Variants in COL4A2 observed in about 807,000 individuals in gnomAD.
COL4A2 encodes the protein collagen type IV alpha 2 chain.
COL4A2 carries 99 observed loss-of-function variants against 200.2 expected under a neutral mutation model. The ratio of observed to expected loss-of-function variants is 0.49; its 90% CI spans 0.42 to 0.58. The LOEUF (loss-of-function observed/expected upper bound fraction) is 0.58, where lower values mean the gene tolerates loss of function less well. Among genes scored for constraint, COL4A2 ranks in the 20% least tolerant of loss-of-function variants. The probability of loss-of-function intolerance (pLI) is 0.00; values close to 1 mark genes in which losing one functional copy is unlikely to be tolerated. For missense variants in COL4A2, 1,950 were observed against 2,314.1 expected (o/e 0.84, Z 3.23); for synonymous variants, 897 against 900.6 (o/e 1.00, Z 0.07).
In COL4A2 at chr13:110,473,745, TG is replaced by T. The variant is rs1882571738; in HGVS notation, c.2425+596del. On this transcript the variant is annotated intron_variant, in intron 29 of 47. Transcript: ENST00000360467. ...CCGAGCCCCGAGCTTTAATGAAAGA[TG>T]ATGCCATGGACAGCAAATGTTCACA... Among the ~76,000 whole-genome samples, 4 of 152,216 alleles carry T rather than the reference TG, an allele frequency of 2.6e-5. No individual in the cohort carries two copies. In the South Asian group the frequency reaches 8.3e-4, roughly 32 times the overall value.
intron 40 of COL4A2, among the ~76,000 whole-genome samples, chr13:110,500,147 A>G (rs1423201601): frequency 6.6e-6 from 1 of 152,226 alleles, no homozygotes; most frequent in Non-Finnish European, 1.5e-5. Flanking sequence ...GGATCTTCCA[A>G]AGGGAAAATC....
chr13:110,364,964 TG>T (rs1354695458), intron 4 of COL4A2, among the ~76,000 whole-genome samples: 2 of 152,236 alleles, frequency 1.3e-5, no homozygotes, highest in Non-Finnish European at 2.9e-5. Context: ...AGAAGATGAC[TG>T]CTCTGTTTAC....
chr13:110,381,432 A>C (rs551342935), intron 4 of COL4A2, among the ~76,000 whole-genome samples: 2 of 152,372 alleles, frequency 1.3e-5, no homozygotes, highest in African/African-American at 4.8e-5. Context: ...TAAAAATCTA[A>C]AATACTGTAA....
chr13:110,478,207 G>T (rs773049029), intron 30 of COL4A2, 43 bp downstream of exon 30: 18 of 1,474,040 alleles, frequency 1.2e-5, no homozygotes, highest in Non-Finnish European at 1.5e-5. Flanking sequence ...GTCCTCACTG[G>T]TCCTGCCAAG....
chr13:110,474,617 TACAC>T (rs768335761), intron 29 of COL4A2, among the ~76,000 whole-genome samples: 5 of 151,528 alleles, frequency 3.3e-5, no homozygotes, highest in Non-Finnish European at 7.4e-5. Flanking sequence ...CATGATCACA[TACAC>T]ACATGCAGAT....
intron 4 of COL4A2, among the ~76,000 whole-genome samples, chr13:110,410,876 G>T (rs1879803517): frequency 6.6e-6 from 1 of 152,074 alleles, no homozygotes; most frequent in African/African-American, 2.4e-5. Context: ...CTTCAAATCT[G>T]GTACTCTTCC....
chr13:110,394,829 T>C (rs549890880), intron 4 of COL4A2, among the ~76,000 whole-genome samples: 18 of 152,304 alleles, frequency 1.2e-4, no homozygotes, highest in Admixed American at 5.9e-4. Flanking sequence ...TGCTCTTTGC[T>C]CAGATCCCCT....
In COL4A2 at chr13:110,440,451, G is replaced by T. The variant is rs149309957; in HGVS notation, c.957+618G>T. On this transcript the variant is annotated intron_variant, in intron 16 of 47. Transcript: ENST00000360467. ...TGTCTCTACTAAAAATACAAAATTT[G>T]CCAGGCATGGTGTGGGTACCTGTAA... 3.7e-3 allele frequency among the ~76,000 whole-genome samples: 564 copies of T among 152,094 alleles called. 6 individuals are homozygous for T. The highest frequency in any genetic ancestry group is 6.0e-3 in the Non-Finnish European group (406 of 68,000).
intron 6 of COL4A2, among the ~76,000 whole-genome samples, chr13:110,425,254 G>C (rs1484905326): frequency 6.6e-6 from 1 of 152,158 alleles, no homozygotes; most frequent in Non-Finnish European, 1.5e-5. Context: ...GTAATAAAAA[G>C]CTAGAGTGCT....
intron 4 of COL4A2, among the ~76,000 whole-genome samples, chr13:110,387,870 G>A (rs1162216048): frequency 6.6e-6 from 1 of 152,194 alleles, no homozygotes; most frequent in East Asian, 1.9e-4. Flanking sequence ...GCCCTGGCTT[G>A]GCTGTGCCTG....
intron 20 of COL4A2, among the ~76,000 whole-genome samples, chr13:110,450,988 A>G (rs1004897286): frequency 6.6e-6 from 1 of 152,230 alleles, no homozygotes; most frequent in Admixed American, 6.5e-5. Context: ...TGGCTGCATT[A>G]TCTGCAAAAA....
intron 28 of COL4A2, among the ~76,000 whole-genome samples, chr13:110,471,028 CTG>C (rs1882451614): frequency 6.6e-6 from 1 of 152,212 alleles, no homozygotes; most frequent in Non-Finnish European, 1.5e-5. Flanking sequence ...GGGTTGGTCT[CTG>C]TGGTTTTGTT....
chr13:110,446,944 C>T (rs1040360848), intron 18 of COL4A2, 80 bp downstream of exon 18: 4 of 1,194,438 alleles, frequency 3.3e-6, no homozygotes, highest in Non-Finnish European at 4.7e-6. Flanking sequence ...TATGAACTTT[C>T]AAGACAGATA....
At chr13:110,355,418 T>TG (rs1277196329) in intron 3 of COL4A2, among the ~76,000 whole-genome samples, 2 of 34,342 alleles carry the variant, frequency 5.8e-5, no homozygotes, top group Non-Finnish European at 4.8e-5. Context: ...CCTGTGTGTG[T>TG]GGGGGAGGGC....
At chr13:110,474,707 A>C (rs1463293833) in intron 29 of COL4A2, among the ~76,000 whole-genome samples, 1 of 105,210 alleles carries the variant, frequency 9.5e-6, no homozygotes. Context: ...GCCTGTGTAC[A>C]CTCACATGAT....
At position 110,482,903 on chromosome 13, in the gene COL4A2, G is replaced by T. The variant is rs9583504; in HGVS notation, c.2902+244G>T. On this transcript the variant is annotated intron_variant, in intron 32 of 47. Coordinates refer to ENST00000360467, the MANE Select transcript of COL4A2 (RefSeq NM_001846.4). ...GGAAACTCTTGAGAACCAAAATGAT[G>T]GCATCGCTAAGAACCAAATATGTCA... 0.67 allele frequency among the ~76,000 whole-genome samples: 101,764 copies of T among 151,594 alleles called. 34,600 individuals carry two copies. The highest frequency in any genetic ancestry group is 0.79 in the African/African-American group (32,813 of 41,304).
chr13:110,468,293 TC>T (rs1279948583), intron 27 of COL4A2: 1 of 471,560 alleles, frequency 2.1e-6, no homozygotes, highest in Non-Finnish European at 4.4e-6. Context: ...GCTTGTATCT[TC>T]CGCGTTCCAT....
intron 3 of COL4A2, among the ~76,000 whole-genome samples, chr13:110,332,802 C>T (rs2139363344): frequency 6.6e-6 from 1 of 152,322 alleles, no homozygotes. Flanking sequence ...TGACTTGTCA[C>T]ATATTTCTGC....
At chr13:110,362,870 A>G (rs1441268633) in intron 4 of COL4A2, among the ~76,000 whole-genome samples, 1 of 152,204 alleles carries the variant, frequency 6.6e-6, no homozygotes, top group Non-Finnish European at 1.5e-5. Flanking sequence ...GATTTTTCCA[A>G]GTAAGGTCAA....
Sources: allele counts gnomAD v4.1 joint callset (sites outside exome capture counted in the v4.1 genomes callset), GRCh38; gene constraint gnomAD v4.1.1; transcripts MANE v1.5; gene names NCBI Gene and HGNC (gene_info 2026-07-23, HGNC 2026-07-21).